CCDC178: variants seen among roughly 807,000 people sequenced by gnomAD.
CCDC178 encodes coiled-coil domain containing 178, also known as coiled-coil domain-containing protein 178.
A neutral mutation model predicts 117.4 loss-of-function variants in CCDC178; 126 were observed. That is an observed-to-expected ratio of 1.07 (90% CI 0.93 to 1.24). CCDC178 has a LOEUF of 1.24. CCDC178 is among the 50% of genes most tolerant of loss of function. The probability of loss-of-function intolerance (pLI) is 0.00; values close to 1 mark genes in which losing one functional copy is unlikely to be tolerated. For synonymous variants in CCDC178, 283 were observed against 313.4 expected (o/e 0.90, Z 1.02); for missense variants, 1,030 against 986.9 (o/e 1.04, Z -0.59).
At chr18:33,372,636 G>A (rs2063314766) in intron 5 of CCDC178, among the ~76,000 whole-genome samples, 1 of 152,022 alleles carries the variant, frequency 6.6e-6, no homozygotes. Context: ...TAAAAGACAA[G>A]ATCCTCCTGG....
At chr18:33,406,484 T>A (rs1350276109) in intron 3 of CCDC178, among the ~76,000 whole-genome samples, 1 of 152,030 alleles carries the variant, frequency 6.6e-6, no homozygotes, top group Admixed American at 6.6e-5. Flanking sequence ...TTTATGCACC[T>A]AATTACATGG....
chr18:33,303,323 C>G (rs1223319853), intron 11 of CCDC178, among the ~76,000 whole-genome samples: 1 of 151,980 alleles, frequency 6.6e-6, no homozygotes, highest in African/African-American at 2.4e-5. Context: ...CAGGGATTAC[C>G]AGGAGTTAGG....
intron 21 of CCDC178, among the ~76,000 whole-genome samples, chr18:33,008,615 T>C (rs533850499): frequency 7.2e-5 from 11 of 152,214 alleles, no homozygotes; most frequent in African/African-American, 2.4e-4. Context: ...TTTCTGCTTA[T>C]GTTTATATCA....
intron 20 of CCDC178, among the ~76,000 whole-genome samples, chr18:33,119,419 C>A (rs1230571234): frequency 6.6e-6 from 1 of 152,074 alleles, no homozygotes; most frequent in Non-Finnish European, 1.5e-5. Context: ...ATGCAGCCAA[C>A]AGACACATGA....
intron 20 of CCDC178, among the ~76,000 whole-genome samples, chr18:33,173,257 C>T (rs993705228): frequency 2.6e-5 from 4 of 152,032 alleles, no homozygotes; most frequent in Non-Finnish European, 5.9e-5. Flanking sequence ...ACTATGTTGT[C>T]CAGGCCAGTT....
chr18:33,237,365 C>T (rs1186008830), intron 15 of CCDC178, among the ~76,000 whole-genome samples: 1 of 152,120 alleles, frequency 6.6e-6, no homozygotes, highest in Non-Finnish European at 1.5e-5. Context: ...AGTGCATGTC[C>T]ACCCCTGAGT....
At chr18:33,224,751 T>C (rs762291735) in intron 17 of CCDC178, 24 bp downstream of exon 17, 2 of 1,394,546 alleles carry the variant, frequency 1.4e-6, no homozygotes, top group South Asian at 3.1e-5. Context: ...TGCACATTAA[T>C]TTTTGGATTA....
chr18:33,433,812 G>GT (rs56878054), intron 2 of CCDC178, among the ~76,000 whole-genome samples: 19 of 151,148 alleles, frequency 1.3e-4, no homozygotes, highest in African/African-American at 2.7e-4. Context: ...GTGTGTGTGT[G>GT]GAAAGATATT....
At chr18:33,210,798 T>C (rs961019893) in intron 20 of CCDC178, among the ~76,000 whole-genome samples, 11 of 152,054 alleles carry the variant, frequency 7.2e-5, no homozygotes, top group Non-Finnish European at 1.0e-4. Context: ...GCACCAATTA[T>C]TTTCATATTT....
In CCDC178 at chr18:33,196,414, T is replaced by C. The variant is rs995080116; in HGVS notation, c.2238+15482A>G. On this transcript the variant is annotated intron_variant, in intron 20 of 22. Coordinates refer to ENST00000383096, the MANE Select transcript of CCDC178 (RefSeq NM_001105528.4). The stretch of plus-strand genomic sequence containing the variant: ...GACCCTTCCTGGACTCGGTGCTATA[T>C]GTTTCCCCTTGGCTAATTTTAATTT... Among the ~76,000 whole-genome samples, 6 of 152,164 alleles carry C rather than the reference T, an allele frequency of 3.9e-5. No individual in the cohort carries two copies. In the East Asian group the frequency reaches 1.2e-3, roughly 29 times the overall value.
At chr18:33,402,249 C>CA in intron 3 of CCDC178, among the ~76,000 whole-genome samples, 1 of 152,142 alleles carries the variant, frequency 6.6e-6, no homozygotes, top group East Asian at 1.9e-4. Context: ...GCGAAATTGT[C>CA]AAAATCAACA....
At chr18:33,223,254 T>G (rs1427972489) in intron 17 of CCDC178, 35 bp from the exon 18 acceptor site, 7 of 1,552,084 alleles carry the variant, frequency 4.5e-6, no homozygotes, top group Non-Finnish European at 6.1e-6. Context: ...TGTGCAGCAT[T>G]TGCAACCCAG....
intron 7 of CCDC178, among the ~76,000 whole-genome samples, chr18:33,355,246 T>TGG (rs1481439169): frequency 6.6e-6 from 1 of 152,206 alleles, no homozygotes; most frequent in East Asian, 1.9e-4. Flanking sequence ...CTGTCTGTAG[T>TGG]GGGTTATTGT....
At chr18:33,077,775 G>T (rs1175914966) in intron 21 of CCDC178, among the ~76,000 whole-genome samples, 1 of 152,032 alleles carries the variant, frequency 6.6e-6, no homozygotes, top group Non-Finnish European at 1.5e-5. Context: ...TTCCAAAATT[G>T]AATCAGTAAT....
At chr18:33,130,752 TC>T in intron 20 of CCDC178, among the ~76,000 whole-genome samples, 1 of 152,052 alleles carries the variant, frequency 6.6e-6, no homozygotes, top group Non-Finnish European at 1.5e-5. Flanking sequence ...AATACGTACT[TC>T]CTCTTATCAA....
intron 21 of CCDC178, among the ~76,000 whole-genome samples, chr18:33,064,810 T>C (rs2144974060): frequency 6.6e-6 from 1 of 152,276 alleles, no homozygotes; most frequent in Non-Finnish European, 1.5e-5. Flanking sequence ...TATGGAGTTA[T>C]CTCAAGTGTC....
At chr18:33,277,123 A>G (rs1238460076) in intron 12 of CCDC178, among the ~76,000 whole-genome samples, 2 of 152,164 alleles carry the variant, frequency 1.3e-5, no homozygotes, top group East Asian at 1.9e-4. Flanking sequence ...ATCAGATAAA[A>G]AATAATGATT....
intron 20 of CCDC178, among the ~76,000 whole-genome samples, chr18:33,172,841 A>AT (rs2058619235): frequency 6.6e-6 from 1 of 152,154 alleles, no homozygotes; most frequent in South Asian, 2.1e-4. Context: ...TAATTCTTTC[A>AT]CTTATGAAGA....
At chr18:33,144,711 A>C (rs1258157493) in intron 20 of CCDC178, among the ~76,000 whole-genome samples, 1 of 152,180 alleles carries the variant, frequency 6.6e-6, no homozygotes, top group Non-Finnish European at 1.5e-5. Context: ...TTCAAGAAAA[A>C]ATCAAATCTA....
Sources: gnomAD v4.1 joint callset for allele counts (sites outside exome capture counted in the v4.1 genomes callset) on GRCh38, gnomAD v4.1.1 for gene constraint, MANE v1.5 for transcripts, NCBI Gene and HGNC (gene_info 2026-07-23, HGNC 2026-07-21) for gene names.